The following PABIR3 variants were observed in gnomAD, a reference collection of about 807,000 sequenced individuals.
PABIR3 encodes the protein PABIR family member 3.
PABIR3 carries 20 observed loss-of-function variants against 23.1 expected under a neutral mutation model. The ratio of observed to expected loss-of-function variants is 0.86; its 90% CI spans 0.61 to 1.26. PABIR3 has a LOEUF of 1.26. PABIR3 is among the 50% of genes most tolerant of loss of function. The pLI, the probability that PABIR3 is intolerant of heterozygous loss-of-function variation, is 0.00. For synonymous variants in PABIR3, 69 were observed against 68.5 expected (o/e 1.01, Z -0.04); for missense variants, 189 against 195.4 (o/e 0.97, Z 0.20).
chrX:134,822,692 T>C, intron 3 of PABIR3: 2 of 710,007 alleles, frequency 2.8e-6, no homozygotes, highest in Non-Finnish European at 3.3e-6. Flanking sequence ...CCATACCATG[T>C]TTTCTCACTT....
At chrX:134,830,866 T>C (rs1245495659) in intron 4 of PABIR3, among the ~76,000 whole-genome samples, 1 of 111,318 alleles carries the variant, frequency 9.0e-6, no homozygotes, top group Non-Finnish European at 1.9e-5. Flanking sequence ...TGGTTAGGAA[T>C]ATAAGTTTAA....
chrX:134,803,568 A>C (rs1049062830), upstream of PABIR3, among the ~76,000 whole-genome samples: 1 of 112,440 alleles, frequency 8.9e-6, no homozygotes. Context: ...TTCTGCCTGC[A>C]GTATGAGGGA....
chrX:134,854,165 C>T lies in PABIR3; in HGVS notation c.761C>T (p.Thr254Ile), dbSNP rs771329906. 2.5e-6 allele frequency: 3 copies of T among 1,210,160 alleles called. No homozygotes were observed. Among genetic ancestry groups the T allele is most frequent in the Non-Finnish European group, 2.2e-6 (2 of 894,393 alleles). The change falls in exon 11 of 11, where the codon ACT becomes ATT. Residue 254 changes from threonine (T) to isoleucine (I), a missense_variant. Thr to Ile is a moderately conservative substitution (Grantham distance 89). Transcript: ENST00000645433. ...SSGNSSAEIG[T>I]VTNSPVSPSD... Reference sequence around the variant, plus strand: ...GGTAATTCGTCAGCTGAAATCGGCACTGTCACAAACTCTCCTGTGTCACCT... The same window carrying T: ...GGTAATTCGTCAGCTGAAATCGGCATTGTCACAAACTCTCCTGTGTCACCT...
chrX:134,821,551 G>A (rs2081298116), intron 3 of PABIR3: 1 of 1,150,639 alleles, frequency 8.7e-7, no homozygotes. Context: ...GGAAGCAGGG[G>A]AAATGTCTCA....
Position 134,847,427 on chromosome X carries a change from T to C in PABIR3, c.390T>C (p.Asp130=). 8.3e-7 allele frequency: 1 copy of C among 1,209,191 alleles called. No homozygotes were observed. Among genetic ancestry groups the C allele is most frequent in the East Asian group, 3.0e-5 (1 of 33,813 alleles). ...AATCATCCTCTCTAAAGTGCATTGA[T>C]TTAACTCCAGTATCCTCAATGGCTT... ...LQKSSSLKCI[D]LTPVSSMASS... is the part of the protein sequence containing the mutation. The change falls in exon 7 of 11, where the codon GAT becomes GAC. Residue 130 remains aspartate (D), a synonymous_variant. Transcript: ENST00000645433.
At chrX:134,852,431 T>C (rs1190855810) in intron 9 of PABIR3, among the ~76,000 whole-genome samples, 2 of 111,046 alleles carry the variant, frequency 1.8e-5, no homozygotes, top group African/African-American at 6.5e-5. Context: ...GCCCAGATCA[T>C]GCCACTGCAC....
intron 6 of PABIR3, among the ~76,000 whole-genome samples, chrX:134,846,322 A>G (rs1482708357): frequency 8.9e-6 from 1 of 111,915 alleles, no homozygotes; most frequent in Non-Finnish European, 1.9e-5. Context: ...TTGAGTGGGG[A>G]CACAGCCACA....
chrX:134,813,315 T>C (rs762077863), intron 2 of PABIR3, among the ~76,000 whole-genome samples: 72 of 112,119 alleles, frequency 6.4e-4, no homozygotes, highest in African/African-American at 2.2e-3. Context: ...AAGATGCCCC[T>C]GGTAGTCTGT....
intron 3 of PABIR3, among the ~76,000 whole-genome samples, chrX:134,818,342 G>A (rs1272407514): frequency 9.0e-6 from 1 of 111,316 alleles, no homozygotes; most frequent in Admixed American, 9.7e-5. Context: ...TATAGAAAGA[G>A]CAGAGAAGAA....
At chrX:134,803,447 A>C (rs1304090468), upstream of PABIR3, among the ~76,000 whole-genome samples, 2 of 112,691 alleles carry the variant, frequency 1.8e-5, no homozygotes, top group Admixed American at 9.4e-5. Context: ...AATAGTTCTG[A>C]AATTGCTTTC....
At chrX:134,860,648 G>A in the PABIR3 span, among the ~76,000 whole-genome samples, 1 of 111,152 alleles carries the variant, frequency 9.0e-6, no homozygotes, top group Non-Finnish European at 1.9e-5. Flanking sequence ...TTATTGTAAT[G>A]TTATTTGTAA....
intron 3 of PABIR3, among the ~76,000 whole-genome samples, chrX:134,828,687 A>G (rs2081628116): frequency 8.9e-6 from 1 of 112,064 alleles, no homozygotes; most frequent in Admixed American, 9.5e-5. Flanking sequence ...ACCAAGAGTA[A>G]AATGTGCTAA....
upstream of PABIR3, among the ~76,000 whole-genome samples, chrX:134,803,092 G>A (rs1021655109): frequency 8.9e-6 from 1 of 112,482 alleles, no homozygotes; most frequent in Non-Finnish European, 1.9e-5. Flanking sequence ...TAAAGGAATT[G>A]ACCAAGACAG....
chrX:134,814,990 G>T, intron 3 of PABIR3, 141 bp downstream of exon 3: 1 of 436,483 alleles, frequency 2.3e-6, no homozygotes. Flanking sequence ...CAGGGTTTCT[G>T]ATTAAGTAGA....
intron 9 of PABIR3, among the ~76,000 whole-genome samples, chrX:134,851,536 G>GA (rs758441936): frequency 1.3e-3 from 115 of 87,821 alleles, no homozygotes; most frequent in Middle Eastern, 5.5e-3. Flanking sequence ...ACTCTGTCTG[G>GA]AAAAAAAAAA....
At chrX:134,831,225 C>T (rs891138028) in intron 4 of PABIR3, among the ~76,000 whole-genome samples, 23 of 110,122 alleles carry the variant, frequency 2.1e-4, no homozygotes, top group Non-Finnish European at 4.0e-4. Flanking sequence ...TGCCACCACA[C>T]CCGGCTAATT....
chrX:134,825,290 T>C (rs2081455952), intron 3 of PABIR3, among the ~76,000 whole-genome samples: 1 of 112,069 alleles, frequency 8.9e-6, no homozygotes, highest in Non-Finnish European at 1.9e-5. Flanking sequence ...AAGGATGTAT[T>C]CTAGAGTGTT....
At chrX:134,852,329 G>A (rs1400215039) in intron 9 of PABIR3, among the ~76,000 whole-genome samples, 1 of 110,971 alleles carries the variant, frequency 9.0e-6, no homozygotes, top group Non-Finnish European at 1.9e-5. Context: ...ATAAAAAATA[G>A]CTGGGCATGG....
At chrX:134,845,867 C>G (rs199919319) in intron 6 of PABIR3, among the ~76,000 whole-genome samples, 1 of 112,079 alleles carries the variant, frequency 8.9e-6, no homozygotes, top group East Asian at 2.8e-4. Flanking sequence ...GCTTAGATAA[C>G]AAAACAATAA....
Sources: gnomAD v4.1 joint callset for allele counts (sites outside exome capture counted in the v4.1 genomes callset) on GRCh38, gnomAD v4.1.1 for gene constraint, MANE v1.5 for transcripts, NCBI Gene and HGNC (gene_info 2026-07-23, HGNC 2026-07-21) for gene names.